Variants in ANK3 observed in about 807,000 individuals in gnomAD.
The protein encoded by ANK3 is ankyrin 3.
A neutral mutation model predicts 370.9 loss-of-function variants in ANK3; 57 were observed. The ratio of observed to expected loss-of-function variants is 0.15; its 90% CI spans 0.12 to 0.19. The LOEUF (loss-of-function observed/expected upper bound fraction) is 0.19, where lower values mean the gene tolerates loss of function less well. Among genes scored for constraint, ANK3 ranks in the 10% least tolerant of loss-of-function variants. ANK3 has a pLI of 1.00. For missense variants in ANK3, 4,439 were observed against 5,302.1 expected, an observed-to-expected ratio of 0.84 and a Z score of 5.06; for synonymous variants, 1,929 against 1,946.3, an observed-to-expected ratio of 0.99 and a Z score of 0.23.
chr10:60,534,664 C>A (rs1202091055), intron 2 of ANK3, among the ~76,000 whole-genome samples: 2 of 152,026 alleles, frequency 1.3e-5, no homozygotes, highest in African/African-American at 4.8e-5. Context: ...GTCAGTTCTA[C>A]CTGAGAGTGT....
intron 25 of ANK3, among the ~76,000 whole-genome samples, chr10:60,127,316 A>C (rs1349463717): frequency 1.3e-5 from 2 of 152,208 alleles, no homozygotes; most frequent in Non-Finnish European, 2.9e-5. Flanking sequence ...TGCCCCTTCT[A>C]AACAACATTA....
intron 21 of ANK3, among the ~76,000 whole-genome samples, chr10:60,167,634 A>C (rs577943778): frequency 1.3e-5 from 2 of 152,004 alleles, no homozygotes; most frequent in African/African-American, 4.8e-5. Flanking sequence ...AGAAAATCTT[A>C]ATGACCTTAG....
intron 2 of ANK3, among the ~76,000 whole-genome samples, chr10:60,614,143 G>A (rs1372847252): frequency 6.6e-6 from 1 of 152,020 alleles, no homozygotes; most frequent in East Asian, 1.9e-4. Context: ...ATAACTAAAA[G>A]ACCATAGATA....
intron 2 of ANK3, among the ~76,000 whole-genome samples, chr10:60,434,490 A>G (rs1259535518): frequency 1.3e-5 from 2 of 152,220 alleles, no homozygotes; most frequent in Non-Finnish European, 2.9e-5. Context: ...TTATCTTCCA[A>G]TTTGTTTTCT....
chr10:60,090,382 A>C (rs2087962839), intron 28 of ANK3, among the ~76,000 whole-genome samples: 2 of 152,266 alleles, frequency 1.3e-5, no homozygotes, highest in South Asian at 2.1e-4. Flanking sequence ...GTTAGGGGAA[A>C]CTTTCCTATA....
At chr10:60,205,616 A>T (rs1265003377) in intron 11 of ANK3, among the ~76,000 whole-genome samples, 176 bp downstream of exon 11, 1 of 152,174 alleles carries the variant, frequency 6.6e-6, no homozygotes, top group African/African-American at 2.4e-5. Flanking sequence ...ACCCACCAAC[A>T]TGTTTGTCTG....
intron 1 of ANK3, among the ~76,000 whole-genome samples, chr10:60,620,852 T>C (rs1214143187): frequency 6.6e-6 from 1 of 152,204 alleles, no homozygotes; most frequent in Non-Finnish European, 1.5e-5. Context: ...AAACAGCCTT[T>C]TGGAGTTACT....
At chr10:60,282,419 C>A (rs1183659993) in intron 1 of ANK3, among the ~76,000 whole-genome samples, 7 of 152,216 alleles carry the variant, frequency 4.6e-5, no homozygotes, top group African/African-American at 1.7e-4. Context: ...AACAAATCTT[C>A]GAATTCAGTG....
Position 60,076,262 on chromosome 10 carries a change from A to C in ANK3, c.4619T>G (p.Ile1540Arg). The change falls in exon 37 of 44, where the codon ATA (isoleucine) becomes AGA (arginine). Residue 1540 changes from isoleucine to arginine, a missense_variant. Transcript: ENST00000280772. The stretch of plus-strand genomic sequence containing the variant: ...TGGAGAAGGTGTCGAAACAGACCAT[A>C]TTGATTTTAACGGAGAAGCTGATGG... The part of the protein sequence containing the change: ...NTPSASPLKS[I>R]WSVSTPSPIK... 6.2e-7 allele frequency: 1 copy of C among 1,614,170 alleles called. No individual in the cohort carries two copies. The highest frequency in any genetic ancestry group is 2.2e-5 in the East Asian group (1 of 44,890).
At chr10:60,556,261 G>GC (rs2077204555) in intron 2 of ANK3, among the ~76,000 whole-genome samples, 1 of 152,194 alleles carries the variant, frequency 6.6e-6, no homozygotes, top group African/African-American at 2.4e-5. Context: ...CCTTAAGCCA[G>GC]CTGTAGCTAA....
chr10:60,509,865 G>A (rs1293337686), intron 2 of ANK3, among the ~76,000 whole-genome samples: 1 of 152,100 alleles, frequency 6.6e-6, no homozygotes, highest in Non-Finnish European at 1.5e-5. Context: ...TCATAGGACT[G>A]ATACCTGATA....
At chr10:60,325,808 T>C (rs2049715545) in intron 1 of ANK3, among the ~76,000 whole-genome samples, 1 of 152,216 alleles carries the variant, frequency 6.6e-6, no homozygotes, top group Non-Finnish European at 1.5e-5. Context: ...TAAATCATCC[T>C]TTTATAAAGA....
At chr10:60,558,823 A>T (rs2077267739) in intron 2 of ANK3, among the ~76,000 whole-genome samples, 2 of 152,178 alleles carry the variant, frequency 1.3e-5, no homozygotes, top group Admixed American at 6.6e-5. Flanking sequence ...AATTTATAAG[A>T]TAATATTTGT....
At chr10:60,540,675 C>T (rs940201871) in intron 2 of ANK3, among the ~76,000 whole-genome samples, 3 of 151,862 alleles carry the variant, frequency 2.0e-5, no homozygotes, top group Non-Finnish European at 4.4e-5. Context: ...ACACAAAGGA[C>T]GGTTTAGAAT....
intron 28 of ANK3, among the ~76,000 whole-genome samples, chr10:60,104,889 G>C (rs781485624): frequency 6.6e-6 from 1 of 152,166 alleles, no homozygotes; most frequent in Non-Finnish European, 1.5e-5. Flanking sequence ...AGGAAGTTAG[G>C]AAGGTAATCT....
intron 28 of ANK3, among the ~76,000 whole-genome samples, chr10:60,100,810 TAAAAC>T (rs2091133792): frequency 6.6e-6 from 1 of 152,180 alleles, no homozygotes; most frequent in African/African-American, 2.4e-5. Context: ...ATTTTTGTGT[TAAAAC>T]AAAATAGATA....
intron 28 of ANK3, among the ~76,000 whole-genome samples, chr10:60,094,705 A>T (rs527436106): frequency 6.6e-6 from 1 of 152,320 alleles, no homozygotes; most frequent in South Asian, 2.1e-4. Flanking sequence ...AGTCAAAAAA[A>T]AAATAAATGA....
At chr10:60,203,345 AAG>A (rs2096714094) in intron 11 of ANK3, among the ~76,000 whole-genome samples, 1 of 152,326 alleles carries the variant, frequency 6.6e-6, no homozygotes, top group East Asian at 1.9e-4. Context: ...AAAAAAGAAA[AAG>A]AATTTATTTC....
At chr10:60,571,055 GTTT>G (rs35835220) in intron 2 of ANK3, among the ~76,000 whole-genome samples, 15 of 133,534 alleles carry the variant, frequency 1.1e-4, no homozygotes, top group Admixed American at 1.5e-4. Flanking sequence ...AACCTGACAG[GTTT>G]TTTTTTTTTT....
Sources: allele counts gnomAD v4.1 joint callset (sites outside exome capture counted in the v4.1 genomes callset), GRCh38; gene constraint gnomAD v4.1.1; transcripts MANE v1.5; gene names NCBI Gene and HGNC (gene_info 2026-07-23, HGNC 2026-07-21).